The following ACYP2 variants were observed in gnomAD, a reference collection of about 807,000 sequenced individuals.
The protein encoded by ACYP2 is acylphosphatase-2.
ACYP2 carries 12 observed loss-of-function variants against 11.2 expected under a neutral mutation model. The ratio of observed to expected loss-of-function variants is 1.08; its 90% CI spans 0.69 to 1.74. The LOEUF is 1.74. Ranked by LOEUF, ACYP2 falls within the 40% of genes most tolerant of loss-of-function variation. The probability of loss-of-function intolerance (pLI) is 0.00; values close to 1 mark genes in which losing one functional copy is unlikely to be tolerated. For missense variants in ACYP2, 134 were observed against 101.9 expected, an observed-to-expected ratio of 1.31 and a Z score of -1.35; for synonymous variants, 43 against 32.2, an observed-to-expected ratio of 1.33 and a Z score of -1.13.
At chr2:54,031,353 C>G (rs574333861) in intron 2 of ACYP2, among the ~76,000 whole-genome samples, 6 of 148,230 alleles carry the variant, frequency 4.0e-5, no homozygotes, top group African/African-American at 1.5e-4. Context: ...TCAATTCCCA[C>G]CTATGAGTGA....
chr2:54,143,654 G>A (rs1411265219), intron 6 of ACYP2, among the ~76,000 whole-genome samples: 3 of 145,782 alleles, frequency 2.1e-5, no homozygotes, highest in Non-Finnish European at 3.0e-5. Flanking sequence ...GGCTGGCCTC[G>A]AACTCCTGAC....
intron 2 of ACYP2, among the ~76,000 whole-genome samples, chr2:54,040,623 T>G (rs1675173462): frequency 6.6e-6 from 1 of 152,118 alleles, no homozygotes; most frequent in South Asian, 2.1e-4. Flanking sequence ...GGGGAAAGAT[T>G]AGGTAAGTGC....
intron 6 of ACYP2, among the ~76,000 whole-genome samples, chr2:54,140,289 T>C (rs1681533153): frequency 6.6e-6 from 1 of 152,062 alleles, no homozygotes; most frequent in Non-Finnish European, 1.5e-5. Flanking sequence ...AAAAAAATAA[T>C]AATATAGTTT....
chr2:54,000,131 A>T (rs752519130), intron 2 of ACYP2, among the ~76,000 whole-genome samples: 62 of 151,552 alleles, frequency 4.1e-4, no homozygotes, highest in Non-Finnish European at 7.1e-4. Flanking sequence ...TAGAAATTAT[A>T]TTATTTTACT....
At chr2:54,152,495 G>C (rs980035076) in intron 6 of ACYP2, among the ~76,000 whole-genome samples, 4 of 152,064 alleles carry the variant, frequency 2.6e-5, no homozygotes, top group Admixed American at 6.6e-5. Flanking sequence ...TACCATTATA[G>C]TATCACAGAG....
At chr2:54,022,272 A>T (rs190825373) in intron 2 of ACYP2, among the ~76,000 whole-genome samples, 1 of 152,148 alleles carries the variant, frequency 6.6e-6, no homozygotes, top group East Asian at 1.9e-4. Flanking sequence ...GACAGGGTTC[A>T]GGATTCGCTA....
chr2:54,096,121 T>G, intron 4 of ACYP2, among the ~76,000 whole-genome samples: 1 of 120,208 alleles, frequency 8.3e-6, no homozygotes. Context: ...CCAGACGGGG[T>G]GGCTGCTGGG....
At chr2:54,220,037 G>T (rs1239346232) in intron 6 of ACYP2, among the ~76,000 whole-genome samples, 1 of 150,924 alleles carries the variant, frequency 6.6e-6, no homozygotes, top group Admixed American at 6.6e-5. Context: ...CACCATGCCT[G>T]GCCAAGTTCA....
rs113042970 is a variant in ACYP2 at position 53,986,474 on chromosome 2, T to TTTG, written c.62+12665_62+12666insTGT. ...GCCTCAGTCTCCTGAGTAGCTGGGATTACAGACACACAGCACCACACTCAG... is the reference window on the plus strand; with the variant it reads ...GCCTCAGTCTCCTGAGTAGCTGGGATTTGTACAGACACACAGCACCACACTCAG... On this transcript the variant is annotated intron_variant, in intron 2 of 6. Transcript: ENST00000607452. Among the ~76,000 whole-genome samples, 14 of 151,454 alleles carry TTTG rather than the reference T, an allele frequency of 9.2e-5. 1 individual carries two copies. Among genetic ancestry groups the TTTG allele is most frequent in the African/African-American group, 3.4e-4 (14 of 41,190 alleles).
At chr2:54,117,915 C>T (rs1034793110) in intron 4 of ACYP2, among the ~76,000 whole-genome samples, 3 of 152,140 alleles carry the variant, frequency 2.0e-5, no homozygotes, top group African/African-American at 7.2e-5. Context: ...TTGTCCCTCA[C>T]CCCGTCCTAC....
At chr2:54,106,476 G>A (rs1679168117) in intron 4 of ACYP2, among the ~76,000 whole-genome samples, 1 of 152,180 alleles carries the variant, frequency 6.6e-6, no homozygotes, top group South Asian at 2.1e-4. Flanking sequence ...TACTTAACAA[G>A]AGATCTCTGA....
chr2:54,111,060 T>C (rs1679435077), intron 4 of ACYP2, among the ~76,000 whole-genome samples: 1 of 152,134 alleles, frequency 6.6e-6, no homozygotes, highest in Admixed American at 6.5e-5. Context: ...CCAGATGGCC[T>C]TCTTGCTGGG....
chr2:54,288,267 G>T (rs1342380083), intron 6 of ACYP2, among the ~76,000 whole-genome samples: 2 of 151,970 alleles, frequency 1.3e-5, no homozygotes, highest in African/African-American at 2.4e-5. Context: ...TCAGCATAAT[G>T]CAGGTGACCA....
chr2:54,138,987 T>G (rs1198607151), intron 6 of ACYP2, among the ~76,000 whole-genome samples: 1 of 152,196 alleles, frequency 6.6e-6, no homozygotes, highest in Non-Finnish European at 1.5e-5. Flanking sequence ...CATTGGACAG[T>G]AAGAATAGTA....
intron 6 of ACYP2, among the ~76,000 whole-genome samples, chr2:54,291,815 G>C (rs965607526): frequency 6.6e-6 from 1 of 152,074 alleles, no homozygotes; most frequent in Non-Finnish European, 1.5e-5. Context: ...TCCCCTAATA[G>C]GCCTATCAGG....
In ACYP2 at chr2:54,201,604, C is replaced by CTTTCTTTCTTTCTTTCTTTCTTTCTT. The variant is rs1558608435; in HGVS notation, c.404+62875_404+62876insCTTTCTTTTTCTTTCTTTCTTTCTTT. ...TCTTTTTCTTTCTTTCTCTTTCTTT[C>CTTTCTTTCTTTCTTTCTTTCTTTCTT]TTTCTTTCTTTCTTTCTTTGTTTCT... On this transcript the variant is annotated intron_variant, in intron 6 of 6. Transcript: ENST00000607452. Among the ~76,000 whole-genome samples the CTTTCTTTCTTTCTTTCTTTCTTTCTT allele has an allele frequency of 4.6e-3, 384 of 83,892 alleles. 19 individuals are homozygous for CTTTCTTTCTTTCTTTCTTTCTTTCTT. Among genetic ancestry groups the CTTTCTTTCTTTCTTTCTTTCTTTCTT allele is most frequent in the Middle Eastern group, 0.012 (2 of 166 alleles). 55.0% of individuals were successfully genotyped at this position (83,892 alleles called of 152,430 possible). A position where few individuals can be genotyped will look rare whatever the true frequency, so the allele number is the denominator to read the frequency against.
intron 2 of ACYP2, chr2:53,975,494 T>C (rs949786241): frequency 1.0e-5 from 4 of 381,502 alleles, no homozygotes; most frequent in African/African-American, 6.2e-5. Flanking sequence ...GTCCAACTTG[T>C]TATCTCTTGA....
intron 2 of ACYP2, among the ~76,000 whole-genome samples, chr2:53,979,527 T>C (rs577579847): frequency 1.6e-3 from 239 of 151,514 alleles, no homozygotes; most frequent in African/African-American, 5.5e-3. Context: ...CTGTGGAGGC[T>C]GAGGCAGGAG....
At position 54,251,822 on chromosome 2, in the gene ACYP2, C is replaced by T. The variant is rs147321937; in HGVS notation, c.405-52866C>T. Among the ~76,000 whole-genome samples the T allele has an allele frequency of 9.3e-3, 1,421 of 152,298 alleles. 14 individuals are homozygous for T. The highest frequency in any genetic ancestry group is 0.024 in the Middle Eastern group (7 of 294). On this transcript the variant is annotated intron_variant, in intron 6 of 6. Coordinates refer to ENST00000607452, the MANE Select transcript of ACYP2 (RefSeq NM_001320586.2). Reference sequence around the variant, plus strand: ...ATAATAGAGATGTCTCCCTTCAAAGCGAAAAGGACAGGCATGCTTACTGCC... The same window carrying T: ...ATAATAGAGATGTCTCCCTTCAAAGTGAAAAGGACAGGCATGCTTACTGCC...
Sources: gnomAD v4.1 joint callset for allele counts (sites outside exome capture counted in the v4.1 genomes callset) on GRCh38, gnomAD v4.1.1 for gene constraint, MANE v1.5 for transcripts, NCBI Gene and HGNC (gene_info 2026-07-23, HGNC 2026-07-21) for gene names.